TMEM131: variants seen among roughly 807,000 people sequenced by gnomAD.
TMEM131 encodes the protein transmembrane protein 131, also known as 2610524E03Rik.
TMEM131 carries 66 observed loss-of-function variants against 211.6 expected under a neutral mutation model. The observed-to-expected ratio is 0.31, with a 90% CI of 0.26 to 0.38. TMEM131 has a LOEUF of 0.38. TMEM131 is among the 10% of genes least tolerant of loss of function. TMEM131 has a pLI of 1.00. For synonymous variants in TMEM131, 844 were observed against 841.3 expected (o/e 1.00, Z -0.06); for missense variants, 2,036 against 2,299.3 (o/e 0.89, Z 2.34).
intron 2 of TMEM131, 73 bp from the exon 3 acceptor site, chr2:97,908,771 A>T: frequency 7.9e-7 from 1 of 1,268,410 alleles, no homozygotes; most frequent in Non-Finnish European, 1.1e-6. Flanking sequence ...GGAATATCCA[A>T]AATATTCTAT....
intron 12 of TMEM131, among the ~76,000 whole-genome samples, 171 bp from the exon 13 acceptor site, chr2:97,815,478 G>C (rs919897582): frequency 6.6e-6 from 1 of 151,882 alleles, no homozygotes; most frequent in African/African-American, 2.4e-5. Flanking sequence ...TCATACAAAA[G>C]GGGGAAAATG....
intron 2 of TMEM131, among the ~76,000 whole-genome samples, chr2:97,911,456 A>G (rs1241574379): frequency 1.3e-5 from 2 of 152,234 alleles, no homozygotes; most frequent in East Asian, 1.9e-4. Flanking sequence ...TTATACATCA[A>G]TAATGGTTAT....
chr2:97,915,290 C>A (rs1676463861), intron 2 of TMEM131, among the ~76,000 whole-genome samples: 1 of 152,102 alleles, frequency 6.6e-6, no homozygotes, highest in South Asian at 2.1e-4. Context: ...TTTATCTTTA[C>A]ATCTTCACAT....
intron 31 of TMEM131, among the ~76,000 whole-genome samples, chr2:97,784,093 T>C (rs1480190319): frequency 1.3e-5 from 2 of 151,816 alleles, no homozygotes; most frequent in African/African-American, 2.4e-5. Context: ...CTGAAAACTA[T>C]GTAAAGCAGA....
intron 1 of TMEM131, among the ~76,000 whole-genome samples, chr2:97,981,663 C>G (rs908469680): frequency 2.0e-5 from 3 of 152,024 alleles, no homozygotes; most frequent in Non-Finnish European, 2.9e-5. Flanking sequence ...GTTGTTCAAC[C>G]ACCATCCCAA....
rs762867786 is a variant in TMEM131, at chr2:97,833,463, G to A, written c.1013-37C>T. ...GAGGAAAAGAAATATTTCTTAAAAA[G>A]GTGCTTTTTAGCCAAGTTAGAATCT... On this transcript the variant is annotated intron_variant, in intron 10 of 40. Coordinates refer to ENST00000186436, the MANE Select transcript of TMEM131 (RefSeq NM_015348.2). 3 of 1,042,434 alleles carry A rather than the reference G, an allele frequency of 2.9e-6. No individual in the cohort carries two copies. In the African/African-American group the frequency reaches 4.9e-5, roughly 17 times the overall value. The allele number at this position is 1,042,434 out of a possible 1,614,324, so 64.6% of individuals were successfully genotyped here.
At chr2:97,915,373 T>C (rs1026946864) in intron 2 of TMEM131, among the ~76,000 whole-genome samples, 2 of 152,206 alleles carry the variant, frequency 1.3e-5, no homozygotes, top group African/African-American at 2.4e-5. Flanking sequence ...CAGGCTGGAG[T>C]GCAGCAGTGT....
chr2:97,868,444 A>T (rs1488966298), intron 4 of TMEM131, among the ~76,000 whole-genome samples: 2 of 152,000 alleles, frequency 1.3e-5, no homozygotes, highest in African/African-American at 4.8e-5. Flanking sequence ...ATGTGTTTAG[A>T]TTATGTATAT....
intron 33 of TMEM131, among the ~76,000 whole-genome samples, chr2:97,771,599 T>C (rs950863368): frequency 2.0e-5 from 3 of 152,238 alleles, no homozygotes; most frequent in Admixed American, 6.5e-5. Context: ...GACAGTTCTA[T>C]ACAATGAACC....
At position 97,795,066 on chromosome 2, in the gene TMEM131, T is replaced by A. The variant is rs1316392482; in HGVS notation, c.3250A>T (p.Ile1084Leu). The A allele has an allele frequency of 5.0e-6, 8 of 1,613,830 alleles. No homozygotes were observed. The highest frequency in any genetic ancestry group is 6.8e-6 in the Non-Finnish European group (8 of 1,179,834). ...ACAAACTCAGAGCCACTGGTTGTTA[T>A]AAACTTCAGTTCCCGAATAACTCTA... ...ASRVIRELKF[I>L]TTSGSEFVFI... Residue 1084 changes from isoleucine to leucine, a missense_variant, in exon 29 of 41, where the codon ATA (isoleucine) becomes TTA (leucine). By Grantham distance (5) the Ile-to-Leu change is conservative. This residue lies in a region of TMEM131 where 1,623 missense variants were observed against 1,805.9 expected (regional missense o/e 0.90). Coordinates refer to ENST00000186436, the MANE Select transcript of TMEM131 (RefSeq NM_015348.2).
intron 33 of TMEM131, 122 bp from the exon 34 acceptor site, chr2:97,766,724 G>T: frequency 8.4e-7 from 1 of 1,193,428 alleles, no homozygotes. Context: ...GGCTTCCTGG[G>T]GCGTTATCTA....
chr2:97,982,920 C>T (rs1679859257), intron 1 of TMEM131, among the ~76,000 whole-genome samples: 1 of 152,144 alleles, frequency 6.6e-6, no homozygotes, highest in Non-Finnish European at 1.5e-5. Context: ...AGAGCACAGC[C>T]CCAACACCCT....
chr2:97,827,186 G>T, intron 11 of TMEM131: 1 of 652,470 alleles, frequency 1.5e-6, no homozygotes, highest in South Asian at 1.7e-5. Flanking sequence ...GCCCAGTTTC[G>T]TGAAGGCTCT....
At chr2:97,812,927 T>C (rs1681620797) in intron 15 of TMEM131, among the ~76,000 whole-genome samples, 178 bp from the exon 16 acceptor site, 1 of 151,972 alleles carries the variant, frequency 6.6e-6, no homozygotes, top group Admixed American at 6.6e-5. Context: ...GAGAATCGCT[T>C]GAACCCGCAA....
intron 32 of TMEM131, among the ~76,000 whole-genome samples, chr2:97,774,786 G>A (rs2104813107): frequency 6.6e-6 from 1 of 152,336 alleles, no homozygotes; most frequent in South Asian, 2.1e-4. Context: ...TTTACTCAAA[G>A]TTTAGCACAG....
chr2:97,879,618 C>T (rs1674839939), intron 4 of TMEM131, among the ~76,000 whole-genome samples: 2 of 152,194 alleles, frequency 1.3e-5, no homozygotes, highest in African/African-American at 2.4e-5. Context: ...CCGCCTCTGC[C>T]ACCTGTGACA....
chr2:97,879,091 C>T (rs924721737), intron 4 of TMEM131, among the ~76,000 whole-genome samples: 2 of 152,176 alleles, frequency 1.3e-5, no homozygotes, highest in African/African-American at 4.8e-5. Flanking sequence ...ACCCTGGAAG[C>T]AGAGAGAAGG....
chr2:97,973,390 T>C (rs1473976196), intron 1 of TMEM131, among the ~76,000 whole-genome samples: 2 of 152,222 alleles, frequency 1.3e-5, no homozygotes, highest in African/African-American at 4.8e-5. Context: ...GTAAGCCCTA[T>C]GATTGGCCCA....
chr2:97,829,130 C>T (rs1019336763), intron 11 of TMEM131, among the ~76,000 whole-genome samples: 8 of 152,184 alleles, frequency 5.3e-5, no homozygotes, highest in African/African-American at 1.9e-4. Context: ...TGATCATTGC[C>T]CAATTCCCAA....
Sources: allele counts gnomAD v4.1 joint callset (sites outside exome capture counted in the v4.1 genomes callset), GRCh38; gene constraint gnomAD v4.1.1; regional missense constraint gnomAD v4.1.1; transcripts MANE v1.5; gene names NCBI Gene and HGNC (gene_info 2026-07-23, HGNC 2026-07-21).